Variants in PRKN observed in about 807,000 individuals in gnomAD.
PRKN encodes the protein parkin RBR E3 ubiquitin protein ligase.
Under a neutral mutation model 59.5 loss-of-function variants are expected in PRKN, and 56 were observed. The ratio of observed to expected loss-of-function variants is 0.94; its 90% CI spans 0.76 to 1.18. The LOEUF (loss-of-function observed/expected upper bound fraction) is 1.18. Ranked by LOEUF, PRKN falls within the 50% of genes most tolerant of loss-of-function variation. PRKN has a pLI of 0.00. For synonymous variants in PRKN, 250 were observed against 222.1 expected (o/e 1.13, Z -1.12); for missense variants, 657 against 596.4 (o/e 1.10, Z -1.06).
chr6:162,399,522 T>C (rs891400278), intron 2 of PRKN, among the ~76,000 whole-genome samples: 22 of 152,084 alleles, frequency 1.4e-4, no homozygotes, highest in African/African-American at 5.1e-4. Flanking sequence ...GTATTCAATG[T>C]TGAATAACAC....
At chr6:162,104,346 T>C (rs1780098511) in intron 4 of PRKN, among the ~76,000 whole-genome samples, 1 of 152,148 alleles carries the variant, frequency 6.6e-6, no homozygotes, top group Admixed American at 6.5e-5. Context: ...GCCTCCAAAA[T>C]GCAATAGGGA....
At chr6:162,362,284 AAT>A (rs1285458456) in intron 2 of PRKN, among the ~76,000 whole-genome samples, 3 of 152,188 alleles carry the variant, frequency 2.0e-5, no homozygotes, top group African/African-American at 7.2e-5. Flanking sequence ...TACCATGTAA[AAT>A]ATATGTTTTG....
At chr6:162,412,983 G>C (rs1239205278) in intron 2 of PRKN, among the ~76,000 whole-genome samples, 1 of 152,104 alleles carries the variant, frequency 6.6e-6, no homozygotes, top group African/African-American at 2.4e-5. Flanking sequence ...TTTATCTCTG[G>C]CAATGTATTG....
chr6:161,608,061 C>G (rs76111385), intron 7 of PRKN, among the ~76,000 whole-genome samples: 3,892 of 152,218 alleles, frequency 0.026, 129 homozygotes, highest in African/African-American at 0.074. Context: ...AAAATCAGTG[C>G]AGAATAAACC....
intron 2 of PRKN, among the ~76,000 whole-genome samples, chr6:162,332,116 G>A (rs985465469): frequency 6.6e-6 from 1 of 152,092 alleles, no homozygotes; most frequent in Non-Finnish European, 1.5e-5. Context: ...ATTAATCCAG[G>A]CATGTGGTTT....
chr6:162,000,354 G>C (rs543470794), intron 5 of PRKN, among the ~76,000 whole-genome samples: 1 of 152,048 alleles, frequency 6.6e-6, no homozygotes, highest in East Asian at 1.9e-4. Context: ...GATGTGTACT[G>C]GTATCTCATT....
chr6:161,704,777 A>AT (rs1292127881), intron 7 of PRKN, among the ~76,000 whole-genome samples: 12 of 152,026 alleles, frequency 7.9e-5, no homozygotes, highest in Non-Finnish European at 1.6e-4. Flanking sequence ...GATTCTTCCC[A>AT]TCACCCAGGG....
At chr6:162,679,928 C>T (rs1008208039) in intron 1 of PRKN, among the ~76,000 whole-genome samples, 1 of 152,140 alleles carries the variant, frequency 6.6e-6, no homozygotes, top group African/African-American at 2.4e-5. Context: ...TGAGGATCTT[C>T]ATTTTAAATT....
chr6:162,706,630 T>C (rs1778350017), intron 1 of PRKN, among the ~76,000 whole-genome samples: 1 of 152,218 alleles, frequency 6.6e-6, no homozygotes, highest in South Asian at 2.1e-4. Context: ...CTCTTGGTGC[T>C]TCAGTTTCCT....
chr6:161,809,581 T>C (rs1330500544), intron 6 of PRKN, among the ~76,000 whole-genome samples: 2 of 152,250 alleles, frequency 1.3e-5, no homozygotes, highest in Admixed American at 1.3e-4. Context: ...GGGAAATATC[T>C]ATTTTTTGGA....
Position 161,714,559 on chromosome 6 carries a change from A to G in PRKN, c.871+71213T>C, listed in dbSNP as rs544167384. Among the ~76,000 whole-genome samples, 21 of 152,298 alleles carry G rather than the reference A, an allele frequency of 1.4e-4. No individual in the cohort carries two copies. The South Asian group carries it at 3.7e-3, about 27-fold the overall frequency. ...GGTGATAAATTTCTGTTCTTTATAA[A>G]TGACCCAGTCTGTGGCATTTTGTTG... On this transcript the variant is annotated intron_variant, in intron 7 of 11. Coordinates refer to ENST00000366898, the MANE Select transcript of PRKN (RefSeq NM_004562.3).
intron 6 of PRKN, among the ~76,000 whole-genome samples, chr6:161,863,556 T>C (rs1473339375): frequency 1.3e-5 from 2 of 152,162 alleles, no homozygotes; most frequent in East Asian, 3.8e-4. Flanking sequence ...TTTTTCAAAA[T>C]TGAGTATGAC....
At chr6:162,333,748 T>C (rs188719813) in intron 2 of PRKN, among the ~76,000 whole-genome samples, 1 of 149,268 alleles carries the variant, frequency 6.7e-6, no homozygotes, top group Non-Finnish European at 1.5e-5. Context: ...CAGAGTTGCA[T>C]GTCTCTCACT....
intron 2 of PRKN, among the ~76,000 whole-genome samples, chr6:162,420,085 T>C (rs1018423380): frequency 6.6e-5 from 10 of 152,018 alleles, no homozygotes; most frequent in African/African-American, 2.4e-4. Flanking sequence ...CTTTGTAATA[T>C]ATAATGGAAT....
intron 5 of PRKN, among the ~76,000 whole-genome samples, chr6:162,047,738 T>C (rs1777443237): frequency 6.6e-6 from 1 of 152,206 alleles, no homozygotes; most frequent in Non-Finnish European, 1.5e-5. Context: ...AATACGGAAA[T>C]GACTTCTGAC....
Position 161,397,169 on chromosome 6 carries a change from C to A in PRKN, c.1084-10292G>T, listed in dbSNP as rs962782806. ...TCTTCTAAAGGGATAGGATTTGTAT[C>A]TTATTCATCTTTGTCTTCCCAAGAT... On this transcript the variant is annotated intron_variant, in intron 9 of 11. Transcript: ENST00000366898. The surrounding 1 kb of genome is among the most constrained non-coding windows in gnomAD (Gnocchi z 4.2). Among the ~76,000 whole-genome samples the A allele has an allele frequency of 6.6e-6, 1 of 152,156 alleles. No homozygotes were observed. The highest frequency in any genetic ancestry group is 1.5e-5 in the Non-Finnish European group (1 of 68,026).
chr6:161,492,431 G>C (rs73591615), intron 9 of PRKN, among the ~76,000 whole-genome samples: 1,968 of 152,334 alleles, frequency 0.013, 41 homozygotes, highest in African/African-American at 0.045. Flanking sequence ...CTCCTGGGAG[G>C]AGACCCAGCT....
At chr6:162,714,392 C>T (rs1778649224) in intron 1 of PRKN, among the ~76,000 whole-genome samples, 2 of 152,056 alleles carry the variant, frequency 1.3e-5, no homozygotes, top group African/African-American at 4.8e-5. Flanking sequence ...AGGGAGGGGC[C>T]CTGAGAGCAG....
chr6:162,053,982 A>C, intron 5 of PRKN, 109 bp downstream of exon 5: 1 of 835,796 alleles, frequency 1.2e-6, no homozygotes, highest in Non-Finnish European at 2.1e-6. Flanking sequence ...GGCAAACATT[A>C]TTAGATGGAA....
Sources: gnomAD v4.1 joint callset for allele counts (sites outside exome capture counted in the v4.1 genomes callset) on GRCh38, gnomAD v4.1.1 for gene constraint, Gnocchi (gnomAD v3.1) non-coding constraint, MANE v1.5 for transcripts, NCBI Gene and HGNC (gene_info 2026-07-23, HGNC 2026-07-21) for gene names.